The following ZMYM2 variants were observed in gnomAD, a reference collection of about 807,000 sequenced individuals.
ZMYM2 encodes the protein zinc finger MYM-type protein 2.
A neutral mutation model predicts 162.8 loss-of-function variants in ZMYM2; 56 were observed. The ratio of observed to expected loss-of-function variants is 0.34; its 90% CI spans 0.28 to 0.43. The LOEUF is 0.43. Ranked by LOEUF, ZMYM2 falls within the 20% of genes least tolerant of loss-of-function variation. The probability of loss-of-function intolerance (pLI) is 1.00; values close to 1 mark genes in which losing one functional copy is unlikely to be tolerated. For missense variants in ZMYM2, 1,275 were observed against 1,621.8 expected (o/e 0.79, Z 3.67); for synonymous variants, 510 against 541.6 (o/e 0.94, Z 0.81).
chr13:20,088,291 T>G lies in ZMYM2; in HGVS notation c.*2277T>G, dbSNP rs369271377. Reference sequence around the variant, plus strand: ...TTCACCTAGAACACATTTCATTGATTCTTGGATCTTAGTTTATGTGGTCAT... The same window carrying G: ...TTCACCTAGAACACATTTCATTGATGCTTGGATCTTAGTTTATGTGGTCAT... On this transcript the variant is annotated 3_prime_UTR_variant, in exon 25 of 25. Coordinates refer to ENST00000610343, the MANE Select transcript of ZMYM2 (RefSeq NM_197968.4). The G allele has an allele frequency of 2.4e-5, 5 of 208,082 alleles. No homozygotes were observed. Among genetic ancestry groups the G allele is most frequent in the African/African-American group, 1.1e-4 (5 of 44,092 alleles). 12.9% of individuals were successfully genotyped at this position (208,082 alleles called of 1,614,324 possible).
rs1274735370 is a variant in ZMYM2, at chr13:20,002,972, A to G, written c.970A>G (p.Thr324Ala). The change falls in exon 4 of 25, where the codon ACT becomes GCT. Residue 324 changes from threonine (T) to alanine (A), a missense_variant. By Grantham distance (58) the Thr-to-Ala change is moderately conservative. Around this residue, in one of 10 missense-constraint regions of ZMYM2, gnomAD observed 115 missense variants for 175.3 expected, o/e 0.66. Transcript: ENST00000610343. Reference sequence around the variant, plus strand: ...CCAGCCGTCTGTCCAACAGCAGCCTACTAAACCAGTTAAAGTCACTTGTGC... The same window carrying G: ...CCAGCCGTCTGTCCAACAGCAGCCTGCTAAACCAGTTAAAGTCACTTGTGC... ...IFQPSVQQQP[T>A]KPVKVTCANC... The G allele has an allele frequency of 3.7e-6, 6 of 1,614,148 alleles. 1 individual carries two copies. In the Middle Eastern group the frequency reaches 4.9e-4, roughly 133 times the overall value.
chr13:19,949,755 C>T, the ZMYM2 span, among the ~76,000 whole-genome samples: 24 of 151,480 alleles, frequency 1.6e-4, no homozygotes, highest in African/African-American at 3.6e-4. Context: ...GGCGTGGTGG[C>T]GGGTGCCTGT....
intron 13 of ZMYM2, among the ~76,000 whole-genome samples, chr13:20,051,937 A>G (rs909459078): frequency 2.6e-5 from 4 of 152,122 alleles, no homozygotes; most frequent in Non-Finnish European, 5.9e-5. Context: ...AGCAAATCGT[A>G]TTGCTAGGGA....
At chr13:20,030,722 C>T (rs549743600) in intron 9 of ZMYM2, among the ~76,000 whole-genome samples, 5 of 151,928 alleles carry the variant, frequency 3.3e-5, no homozygotes, top group African/African-American at 9.7e-5. Context: ...TTAGTAGAGA[C>T]GGGGTTTTGC....
chr13:19,899,424 C>T, the ZMYM2 span, among the ~76,000 whole-genome samples: 6 of 151,654 alleles, frequency 4.0e-5, no homozygotes, highest in African/African-American at 1.5e-4. Flanking sequence ...AAACTTTACA[C>T]ATTAAGGAAC....
chr13:20,019,647 G>A (rs370845721), intron 7 of ZMYM2, 29 bp downstream of exon 7: 5 of 1,566,310 alleles, frequency 3.2e-6, no homozygotes, highest in Non-Finnish European at 4.3e-6. Flanking sequence ...GGAGTTCAAG[G>A]CCTTAACATT....
intron 2 of ZMYM2, among the ~76,000 whole-genome samples, chr13:19,971,117 G>A (rs569049502): frequency 4.6e-5 from 7 of 151,490 alleles, no homozygotes; most frequent in African/African-American, 1.5e-4. Context: ...CAAAGCAGAC[G>A]GAAATATTAC....
At chr13:19,998,032 T>G (rs4547202) in intron 3 of ZMYM2, among the ~76,000 whole-genome samples, 1 of 152,314 alleles carries the variant, frequency 6.6e-6, no homozygotes, top group East Asian at 1.9e-4. Context: ...TGTTCCTGTT[T>G]ACTCAAACTC....
the ZMYM2 span, among the ~76,000 whole-genome samples, chr13:19,868,270 A>T: frequency 2.6e-5 from 4 of 152,198 alleles, no homozygotes; most frequent in African/African-American, 9.6e-5. Flanking sequence ...TTTTACTATG[A>T]TGAGCACAGT....
At chr13:20,067,187 C>A in intron 20 of ZMYM2, 52 bp from the exon 21 acceptor site, 1 of 1,469,834 alleles carries the variant, frequency 6.8e-7, no homozygotes, top group Admixed American at 2.2e-5. Flanking sequence ...GTTTCTTAAC[C>A]TTAATAAGAC....
the ZMYM2 span, among the ~76,000 whole-genome samples, chr13:19,900,821 C>G: frequency 6.6e-6 from 1 of 152,070 alleles, no homozygotes; most frequent in Non-Finnish European, 1.5e-5. Context: ...ATCACGAGGT[C>G]AGGAGATTGA....
the ZMYM2 span, among the ~76,000 whole-genome samples, chr13:19,879,776 T>C: frequency 1.3e-5 from 2 of 152,108 alleles, no homozygotes; most frequent in Non-Finnish European, 2.9e-5. Context: ...CCACTTTGAC[T>C]GGGCTGAAGG....
At chr13:19,867,443 TG>T in the ZMYM2 span, among the ~76,000 whole-genome samples, 1 of 151,684 alleles carries the variant, frequency 6.6e-6, no homozygotes, top group Admixed American at 6.6e-5. Context: ...CAAAAACAAC[TG>T]GGGTGGGGAA....
chr13:20,048,218 A>G (rs1463926158), intron 12 of ZMYM2, among the ~76,000 whole-genome samples: 2 of 152,032 alleles, frequency 1.3e-5, no homozygotes, highest in Non-Finnish European at 2.9e-5. Flanking sequence ...TAGTCTTAAC[A>G]GTATGATTTA....
chr13:19,991,727 C>G (rs916878675), intron 2 of ZMYM2, among the ~76,000 whole-genome samples: 9 of 151,640 alleles, frequency 5.9e-5, no homozygotes, highest in Admixed American at 5.9e-4. Context: ...AACTCCCGGC[C>G]TCAGATGATT....
At chr13:19,879,131 T>G in the ZMYM2 span, among the ~76,000 whole-genome samples, 1 of 152,222 alleles carries the variant, frequency 6.6e-6, no homozygotes, top group South Asian at 2.1e-4. Context: ...CACTTACATT[T>G]AAGTCTTTGA....
At position 20,082,455 on chromosome 13, in the gene ZMYM2, T is replaced by C. The variant is rs972555783; in HGVS notation, c.3568+325T>C. On this transcript the variant is annotated intron_variant, in intron 22 of 24. Coordinates refer to ENST00000610343, the MANE Select transcript of ZMYM2 (RefSeq NM_197968.4). The stretch of plus-strand genomic sequence containing the variant: ...TCAGTCCGTGAAGAAAATGTGTATG[T>C]ATGTGGAGTCATCAATTTTTTTCAG... Among the ~76,000 whole-genome samples, 4 of 152,198 alleles carry C rather than the reference T, an allele frequency of 2.6e-5. No homozygotes were observed. In the South Asian group the frequency reaches 8.3e-4, roughly 32 times the overall value.
intron 24 of ZMYM2, among the ~76,000 whole-genome samples, chr13:20,084,364 CTT>C (rs1403740515): frequency 6.6e-6 from 1 of 152,146 alleles, no homozygotes; most frequent in Non-Finnish European, 1.5e-5. Context: ...GGGACACAAA[CTT>C]TTTCTTAAAC....
chr13:19,978,749 C>A (rs1957019342), intron 2 of ZMYM2, among the ~76,000 whole-genome samples: 1 of 152,046 alleles, frequency 6.6e-6, no homozygotes, highest in South Asian at 2.1e-4. Context: ...TCTTTTATAT[C>A]ATATAAAAAA....
Sources: gnomAD v4.1 joint callset for allele counts (sites outside exome capture counted in the v4.1 genomes callset) on GRCh38, gnomAD v4.1.1 for gene constraint, gnomAD v4.1.1 regional missense constraint, MANE v1.5 for transcripts, NCBI Gene and HGNC (gene_info 2026-07-23, HGNC 2026-07-21) for gene names.